Variants in CAMTA1 observed in about 807,000 individuals in gnomAD.
The protein encoded by CAMTA1 is calmodulin binding transcription activator 1.
In CAMTA1, 27 loss-of-function variants were observed where a neutral mutation model predicts 170.9. The ratio of observed to expected loss-of-function variants is 0.16; its 90% CI spans 0.12 to 0.22. CAMTA1 has a LOEUF of 0.22. CAMTA1 is among the 10% of genes least tolerant of loss of function. The pLI is 1.00. For missense variants in CAMTA1, 1,619 were observed against 2,217.2 expected, an observed-to-expected ratio of 0.73 and a Z score of 5.42; for synonymous variants, 833 against 891.5, an observed-to-expected ratio of 0.93 and a Z score of 1.17.
intron 4 of CAMTA1, chr1:7,142,028 A>G: frequency 2.0e-6 from 1 of 503,106 alleles, no homozygotes; most frequent in Non-Finnish European, 4.0e-6. Context: ...CTCCCACCTC[A>G]CGCTAGCTTC....
intron 4 of CAMTA1, among the ~76,000 whole-genome samples, chr1:7,135,800 A>T (rs1169903281): frequency 6.6e-6 from 1 of 152,176 alleles, no homozygotes; most frequent in Non-Finnish European, 1.5e-5. Flanking sequence ...GATGGTTTTT[A>T]ATATCCACAC....
At chr1:6,989,912 TG>T (rs1263573852) in intron 3 of CAMTA1, among the ~76,000 whole-genome samples, 1 of 152,128 alleles carries the variant, frequency 6.6e-6, no homozygotes, top group Admixed American at 6.5e-5. Flanking sequence ...GAAAGGGAGC[TG>T]GGTCAGAGCA....
intron 3 of CAMTA1, among the ~76,000 whole-genome samples, chr1:6,864,985 A>G (rs928969342): frequency 1.3e-5 from 2 of 152,164 alleles, no homozygotes; most frequent in African/African-American, 2.4e-5. Flanking sequence ...AAACATTTTT[A>G]ATAGAAATGG....
chr1:7,362,573 T>C (rs1327504281), intron 5 of CAMTA1, among the ~76,000 whole-genome samples: 1 of 147,474 alleles, frequency 6.8e-6, no homozygotes, highest in Non-Finnish European at 1.5e-5. Flanking sequence ...ACTTGGGTAG[T>C]GGTGGTGGCT....
chr1:7,310,721 T>TC (rs1234499101), intron 5 of CAMTA1, among the ~76,000 whole-genome samples: 1 of 94,642 alleles, frequency 1.1e-5, no homozygotes, highest in African/African-American at 5.7e-5. Context: ...TTTCTTTCTT[T>TC]CTTTCTTTCT....
At position 7,682,235 on chromosome 1, in the gene CAMTA1, C is replaced by T. The variant is rs922329387; in HGVS notation, c.2914+4502C>T. Among the ~76,000 whole-genome samples, 3 of 152,206 alleles carry T rather than the reference C, an allele frequency of 2.0e-5. No homozygotes were observed. Among genetic ancestry groups the T allele is most frequent in the African/African-American group, 7.2e-5 (3 of 41,462 alleles). On this transcript the variant is annotated intron_variant, in intron 11 of 22. Coordinates refer to ENST00000303635, the MANE Select transcript of CAMTA1 (RefSeq NM_015215.4). This position sits in a 1 kb window ranked among gnomAD's most constrained non-coding sequence, Gnocchi z 5.0. ...GGACTAAAAGCTCAAACTTCATTATCCAGTTGCCTGCTTCCTGGGCAAGCC... is the reference window on the plus strand; with the variant it reads ...GGACTAAAAGCTCAAACTTCATTATTCAGTTGCCTGCTTCCTGGGCAAGCC...
chr1:7,619,703 G>A (rs1270609389), intron 6 of CAMTA1, among the ~76,000 whole-genome samples: 1 of 151,188 alleles, frequency 6.6e-6, no homozygotes, highest in African/African-American at 2.4e-5. Context: ...AGGCTGGAGT[G>A]CAGTGGCATG....
At position 7,127,132 on chromosome 1, in the gene CAMTA1, G is replaced by A. The variant is rs138847166; in HGVS notation, c.302+35761G>A. Among the ~76,000 whole-genome samples, 1,251 of 152,076 alleles carry A rather than the reference G, an allele frequency of 8.2e-3. 20 individuals carry two copies. Among genetic ancestry groups the A allele is most frequent in the African/African-American group, 0.028 (1,167 of 41,452 alleles). On this transcript the variant is annotated intron_variant, in intron 4 of 22. Coordinates refer to ENST00000303635, the MANE Select transcript of CAMTA1 (RefSeq NM_015215.4). ...GCCTGGGAGACAGGGGGCTGAGCCC[G>A]CAGACGTGGGGCTAGCCGAGCAGCT...
intron 5 of CAMTA1, among the ~76,000 whole-genome samples, chr1:7,276,303 A>ATATATATATATATATATATATTTTT: frequency 8.3e-5 from 2 of 24,232 alleles, no homozygotes; most frequent in Admixed American, 6.5e-4. Context: ...ATATATATAT[A>ATATATATATATATATATATATTTTT]TTTTTTTTTT....
intron 6 of CAMTA1, among the ~76,000 whole-genome samples, chr1:7,577,520 A>T (rs1451674369): frequency 6.0e-5 from 9 of 151,010 alleles, no homozygotes; most frequent in Non-Finnish European, 1.2e-4. Flanking sequence ...TCCCATCTAG[A>T]CACGTGCCCA....
intron 4 of CAMTA1, among the ~76,000 whole-genome samples, chr1:7,240,586 A>T (rs993578687): frequency 6.8e-6 from 1 of 147,364 alleles, no homozygotes. Flanking sequence ...CAGTGGTGCT[A>T]TCTCGGTTCA....
At chr1:7,558,982 C>A (rs931738835) in intron 6 of CAMTA1, among the ~76,000 whole-genome samples, 3 of 152,216 alleles carry the variant, frequency 2.0e-5, no homozygotes, top group Non-Finnish European at 1.5e-5. Context: ...CCCCGTCCCC[C>A]CTGCCTGAAG....
chr1:7,349,688 G>A (rs1420219204), intron 5 of CAMTA1, among the ~76,000 whole-genome samples: 3 of 152,108 alleles, frequency 2.0e-5, no homozygotes, highest in African/African-American at 2.4e-5. Flanking sequence ...TAAGGTGACC[G>A]GTCAGACTGG....
At chr1:6,900,340 T>C (rs1371016817) in intron 3 of CAMTA1, among the ~76,000 whole-genome samples, 1 of 152,212 alleles carries the variant, frequency 6.6e-6, no homozygotes, top group Non-Finnish European at 1.5e-5. Flanking sequence ...GACAGCCTCC[T>C]GTCATCCCTT....
intron 11 of CAMTA1, among the ~76,000 whole-genome samples, chr1:7,704,831 G>A (rs1332813042): frequency 3.4e-5 from 5 of 147,970 alleles, no homozygotes; most frequent in Admixed American, 2.0e-4. Flanking sequence ...GGCGGGGCGC[G>A]GGAGCCAGTG....
At chr1:7,149,516 C>T (rs920800873) in intron 4 of CAMTA1, among the ~76,000 whole-genome samples, 7 of 152,222 alleles carry the variant, frequency 4.6e-5, no homozygotes, top group African/African-American at 1.4e-4. Flanking sequence ...GCCGTGTGGC[C>T]GCGGGTCAGG....
intron 6 of CAMTA1, among the ~76,000 whole-genome samples, chr1:7,579,552 C>CTTTTTTTTTCTTTTTTT (rs2095238935): frequency 1.3e-5 from 1 of 79,194 alleles, no homozygotes; most frequent in African/African-American, 5.9e-5. Flanking sequence ...CTTTTCTTTT[C>CTTTTTTTTTCTTTTTTT]TTTTTTTTTT....
chr1:7,699,672 C>T (rs958570624), intron 11 of CAMTA1, among the ~76,000 whole-genome samples: 2 of 152,112 alleles, frequency 1.3e-5, no homozygotes, highest in Admixed American at 6.5e-5. Context: ...ACATCCTTGC[C>T]AACGCTTGTT....
rs189341465 is a variant in CAMTA1 at position 7,507,204 on chromosome 1, G to T, written c.510+39303G>T. Among the ~76,000 whole-genome samples the T allele has an allele frequency of 9.4e-4, 143 of 151,770 alleles. 1 individual carries two copies. Among genetic ancestry groups the T allele is most frequent in the African/African-American group, 3.5e-3 (143 of 41,360 alleles). Reference sequence around the variant, plus strand: ...TCACATACATAACACCCTCACAGTGGCACACTCACCGATACACACTTGCTC... The same window carrying T: ...TCACATACATAACACCCTCACAGTGTCACACTCACCGATACACACTTGCTC... On this transcript the variant is annotated intron_variant, in intron 6 of 22. Coordinates refer to ENST00000303635, the MANE Select transcript of CAMTA1 (RefSeq NM_015215.4).
Sources: gnomAD v4.1 joint callset for allele counts (sites outside exome capture counted in the v4.1 genomes callset) on GRCh38, gnomAD v4.1.1 for gene constraint, Gnocchi (gnomAD v3.1) non-coding constraint, MANE v1.5 for transcripts, NCBI Gene and HGNC (gene_info 2026-07-23, HGNC 2026-07-21) for gene names.